Variants in C10orf143 observed in about 807,000 individuals in gnomAD.
C10orf143 encodes uncharacterized protein C10orf143.
At chr10:130,107,144 A>G in intron 1 of C10orf143, 1 of 1,600,484 alleles carries the variant, frequency 6.2e-7, no homozygotes, top group Non-Finnish European at 8.6e-7. Flanking sequence ...GTCAGAAAAC[A>G]CACATTTTGA....
intron 3 of C10orf143, among the ~76,000 whole-genome samples, chr10:130,076,337 C>A (rs1411964416): frequency 6.6e-6 from 1 of 152,186 alleles, no homozygotes; most frequent in African/African-American, 2.4e-5. Flanking sequence ...TGTGTCCCAC[C>A]AATGCCTCAC....
rs76602419 is a variant in C10orf143, at chr10:130,080,268, G to A, written c.70-367C>T. 3.3e-3 allele frequency among the ~76,000 whole-genome samples: 503 copies of A among 152,294 alleles called. 6 individuals are homozygous for A. Among genetic ancestry groups the A allele is most frequent in the African/African-American group, 0.012 (478 of 41,558 alleles). Reference sequence around the variant, plus strand: ...GTTATATGCTTTTGCTTAGTATCAAGTTACATACTTTCTTAATACAATATG... The same window carrying A: ...GTTATATGCTTTTGCTTAGTATCAAATTACATACTTTCTTAATACAATATG... On this transcript the variant is annotated intron_variant, in intron 1 of 3. Transcript: ENST00000637128.
intron 3 of C10orf143, among the ~76,000 whole-genome samples, chr10:130,036,259 T>G (rs962324771): frequency 7.2e-5 from 11 of 152,292 alleles, no homozygotes; most frequent in African/African-American, 2.6e-4. Context: ...GGGTGCCCAC[T>G]TCCCATGCCA....
chr10:130,047,845 A>ATT lies in C10orf143; in HGVS notation c.298-11877_298-11876dup, dbSNP rs35621926. On this transcript the variant is annotated intron_variant and NMD_transcript_variant, in intron 3 of 5. Transcript: ENST00000643056. ...ATTTCCATAAAGACCCACTGGAAACATTTTTTTTTTTCGGATTTATCACCA... is the reference window on the plus strand; with the variant it reads ...ATTTCCATAAAGACCCACTGGAAACATTTTTTTTTTTTTCGGATTTATCACCA... Among the ~76,000 whole-genome samples the ATT allele has an allele frequency of 4.6e-3, 695 of 149,840 alleles. 3 individuals are homozygous for ATT. The highest frequency in any genetic ancestry group is 6.8e-3 in the Middle Eastern group (2 of 294).
In C10orf143 at chr10:130,064,101, G is replaced by A. The variant is rs568269412; in HGVS notation, c.*253C>T. The A allele has an allele frequency of 5.6e-6, 2 of 355,084 alleles. No individual in the cohort carries two copies. The highest frequency in any genetic ancestry group is 1.0e-5 in the Non-Finnish European group (2 of 199,288). 22.0% of individuals were successfully genotyped at this position (355,084 alleles called of 1,614,324 possible). A position where few individuals can be genotyped will look rare whatever the true frequency, so the allele number is the denominator to read the frequency against. ...ATCTCCCTCTCAACCAGGAACATTC[G>A]AAAGGAGGCTGTAGTACGTAGTAAG... On this transcript the variant is annotated 3_prime_UTR_variant, in exon 4 of 4. Coordinates refer to ENST00000637128, the MANE Select transcript of C10orf143 (RefSeq NM_001355042.2).
intron 1 of C10orf143, among the ~76,000 whole-genome samples, chr10:130,102,971 T>C (rs1861581702): frequency 7.7e-6 from 1 of 130,198 alleles, no homozygotes; most frequent in Admixed American, 9.2e-5. Flanking sequence ...GGACTTATAA[T>C]TGAGTCTTTT....
At chr10:130,095,600 A>C (rs1334705212) in intron 1 of C10orf143, among the ~76,000 whole-genome samples, 1 of 152,196 alleles carries the variant, frequency 6.6e-6, no homozygotes, top group Non-Finnish European at 1.5e-5. Flanking sequence ...AGACATACAG[A>C]CCAATGGAAC....
chr10:130,038,152 C>T (rs1021395353), intron 3 of C10orf143, among the ~76,000 whole-genome samples: 2 of 152,146 alleles, frequency 1.3e-5, no homozygotes, highest in Non-Finnish European at 2.9e-5. Context: ...TAACATGCGG[C>T]GGCCTCTTCC....
rs1227477262 is a variant in C10orf143 at position 130,108,604 on chromosome 10, T to G, written c.69+2100A>C. 3 of 533,100 alleles carry G rather than the reference T, an allele frequency of 5.6e-6. No individual in the cohort carries two copies. The African/African-American group carries it at 5.7e-5, about 10-fold the overall frequency. 33.0% of individuals were successfully genotyped at this position (533,100 alleles called of 1,614,324 possible). On this transcript the variant is annotated intron_variant, in intron 1 of 3. Coordinates refer to ENST00000637128, the MANE Select transcript of C10orf143 (RefSeq NM_001355042.2). ...TTTGTAAATAAGGATGATTTAAATA[T>G]GAATCTTATAAGTAAATTATTTCCA...
chr10:130,039,773 G>A lies in C10orf143; in HGVS notation c.298-3803C>T, dbSNP rs116279757. Among the ~76,000 whole-genome samples, 740 of 152,204 alleles carry A rather than the reference G, an allele frequency of 4.9e-3. 5 individuals carry two copies. Among genetic ancestry groups the A allele is most frequent in the African/African-American group, 0.017 (695 of 41,556 alleles). On this transcript the variant is annotated intron_variant and NMD_transcript_variant, in intron 3 of 5. Transcript: ENST00000643056. ...CTCTGCCTCTAGGAAGGCTCCCGAC[G>A]TCTCATGCGCTCTTCTCCTTGGGGC...
chr10:130,089,934 C>T (rs1321381400), intron 1 of C10orf143, among the ~76,000 whole-genome samples: 1 of 151,924 alleles, frequency 6.6e-6, no homozygotes. Context: ...AATGTAAGAA[C>T]TAAAAGTGTA....
At chr10:130,038,913 G>A (rs1431236876) in intron 3 of C10orf143, among the ~76,000 whole-genome samples, 1 of 152,186 alleles carries the variant, frequency 6.6e-6, no homozygotes, top group Non-Finnish European at 1.5e-5. Context: ...ACAGGGCAGG[G>A]GAGTGCTGCA....
chr10:130,060,203 C>T (rs884543), downstream of C10orf143, among the ~76,000 whole-genome samples: 7,084 of 152,148 alleles, frequency 0.047, 415 homozygotes, highest in African/African-American at 0.14. Context: ...TGCCAATGTT[C>T]GTGCACAGGG....
chr10:130,109,313 G>A (rs1861718949), intron 1 of C10orf143, among the ~76,000 whole-genome samples: 1 of 152,116 alleles, frequency 6.6e-6, no homozygotes. Context: ...CAGTAGCAGT[G>A]AGCCACCCTT....
At chr10:130,067,250 G>A (rs924922445) in intron 3 of C10orf143, 3 of 151,962 alleles carry the variant, frequency 2.0e-5, no homozygotes, top group East Asian at 1.9e-4. Context: ...AGCCTTCCTC[G>A]CTGGGCTCTC....
chr10:130,103,112 G>C (rs531858529), intron 1 of C10orf143, among the ~76,000 whole-genome samples: 31 of 152,086 alleles, frequency 2.0e-4, no homozygotes, highest in African/African-American at 6.7e-4. Context: ...CCAAGTAGCT[G>C]AGATTACAGG....
intron 1 of C10orf143, among the ~76,000 whole-genome samples, chr10:130,108,745 G>C (rs1448615789): frequency 1.3e-5 from 2 of 152,152 alleles, no homozygotes; most frequent in African/African-American, 2.4e-5. Flanking sequence ...AATTCTAAAG[G>C]CTGTGTCTTT....
Position 130,081,551 on chromosome 10 carries a change from AC to A in C10orf143, c.70-1651del, listed in dbSNP as rs1861209826. Among the ~76,000 whole-genome samples, 3 of 152,170 alleles carry A rather than the reference AC, an allele frequency of 2.0e-5. No homozygotes were observed. The South Asian group carries it at 6.2e-4, about 32-fold the overall frequency. ...CCTCTCAAGAACTCACAGCACAGTTACAACTGATGGCATTAAAGGAAAAAAC... is the reference window on the plus strand; with the variant it reads ...CCTCTCAAGAACTCACAGCACAGTTAAACTGATGGCATTAAAGGAAAAAAC... On this transcript the variant is annotated intron_variant, in intron 1 of 3. Transcript: ENST00000637128.
intron 1 of C10orf143, among the ~76,000 whole-genome samples, chr10:130,086,413 A>T (rs1243491182): frequency 6.6e-6 from 1 of 152,270 alleles, no homozygotes. Flanking sequence ...AAATATATTC[A>T]ATCCTTATTC....
Sources: gnomAD v4.1 joint callset for allele counts (sites outside exome capture counted in the v4.1 genomes callset) on GRCh38, gnomAD v4.1.1 for gene constraint, MANE v1.5 for transcripts, NCBI Gene and HGNC (gene_info 2026-07-23, HGNC 2026-07-21) for gene names.